CORO1C: variants seen among roughly 807,000 people sequenced by gnomAD.
CORO1C encodes the protein coronin-1C.
CORO1C carries 14 observed loss-of-function variants against 51.2 expected under a neutral mutation model. The observed-to-expected ratio is 0.27, with a 90% confidence interval of 0.18 to 0.43. The LOEUF is 0.43. CORO1C is among the 20% of genes least tolerant of loss of function. The probability of loss-of-function intolerance (pLI) is 1.00; values close to 1 mark genes in which losing one functional copy is unlikely to be tolerated. For missense variants in CORO1C, 417 were observed against 607.8 expected, an observed-to-expected ratio of 0.69 and a Z score of 3.30; for synonymous variants, 181 against 210.5, an observed-to-expected ratio of 0.86 and a Z score of 1.21.
At chr12:108,728,132 G>A (rs1284062584) in intron 1 of CORO1C, among the ~76,000 whole-genome samples, 1 of 152,156 alleles carries the variant, frequency 6.6e-6, no homozygotes, top group Non-Finnish European at 1.5e-5. Flanking sequence ...CTGCTTTGGA[G>A]AAGTCTGGCC....
At chr12:108,721,560 C>T (rs895612649) in intron 1 of CORO1C, among the ~76,000 whole-genome samples, 5 of 152,124 alleles carry the variant, frequency 3.3e-5, no homozygotes, top group South Asian at 4.1e-4. Flanking sequence ...TGCCATAAGA[C>T]TTTGTGAATA....
At chr12:108,721,811 A>G (rs1169454533) in intron 1 of CORO1C, among the ~76,000 whole-genome samples, 1 of 152,142 alleles carries the variant, frequency 6.6e-6, no homozygotes, top group Admixed American at 6.5e-5. Flanking sequence ...AGATGCCCCA[A>G]TTTACAATCA....
intron 3 of CORO1C, among the ~76,000 whole-genome samples, chr12:108,664,682 T>C (rs147851282): frequency 3.3e-5 from 5 of 152,214 alleles, no homozygotes; most frequent in African/African-American, 7.2e-5. Flanking sequence ...CTCTTTCCCC[T>C]GCGGAGAACA....
intron 2 of CORO1C, among the ~76,000 whole-genome samples, chr12:108,697,664 T>C (rs1338052618): frequency 6.6e-6 from 1 of 152,210 alleles, no homozygotes; most frequent in African/African-American, 2.4e-5. Flanking sequence ...CACCATGTAG[T>C]TGGAGTCCCC....
In CORO1C at chr12:108,658,966, T is replaced by G; in HGVS notation, c.449-47A>C. 6.4e-7 allele frequency: 1 copy of G among 1,565,310 alleles called. No individual in the cohort carries two copies. The highest frequency in any genetic ancestry group is 8.7e-7 in the Non-Finnish European group (1 of 1,143,478). On this transcript the variant is annotated intron_variant, in intron 4 of 10. Coordinates refer to ENST00000261401, the MANE Select transcript of CORO1C (RefSeq NM_014325.4). The surrounding 1 kb of genome is among the most constrained non-coding windows in gnomAD (Gnocchi z 4.9). The stretch of plus-strand genomic sequence containing the variant: ...GAGATTAGAAGATTAGAAACACCTA[T>G]GTAACACACTCAGAAAACTACAGAT...
chr12:108,657,067 T>TA (rs1175418675), intron 6 of CORO1C, among the ~76,000 whole-genome samples: 3 of 151,650 alleles, frequency 2.0e-5, no homozygotes, highest in African/African-American at 7.3e-5. Context: ...TAAAAAAAAT[T>TA]AAAAAAATAA....
chr12:108,662,002 G>T, intron 4 of CORO1C, 27 bp downstream of exon 4: 1 of 1,613,828 alleles, frequency 6.2e-7, no homozygotes, highest in South Asian at 1.1e-5. Context: ...GGAAGACAAG[G>T]GGAGGACCGC....
chr12:108,717,224 T>C (rs529919033), intron 1 of CORO1C, among the ~76,000 whole-genome samples: 48 of 152,216 alleles, frequency 3.2e-4, no homozygotes, highest in African/African-American at 9.4e-4. Context: ...AAAGTCTGTA[T>C]CAAAAGCAAG....
At chr12:108,705,929 G>A (rs1005616494) in intron 1 of CORO1C, among the ~76,000 whole-genome samples, 2 of 152,186 alleles carry the variant, frequency 1.3e-5, no homozygotes, top group Admixed American at 6.5e-5. Context: ...GCTCATGCCT[G>A]TAATCCCAAC....
At chr12:108,657,192 C>T (rs74939224) in intron 6 of CORO1C, 112 bp downstream of exon 6, 92,822 of 1,376,970 alleles carry the variant, frequency 0.067, 4,757 homozygotes, top group East Asian at 0.31. Context: ...GACAATCAGG[C>T]GTTTAGAAAA....
intron 5 of CORO1C, 84 bp from the exon 6 acceptor site, chr12:108,657,507 A>C: frequency 2.7e-4 from 381 of 1,405,706 alleles, no homozygotes; most frequent in Non-Finnish European, 3.3e-4. Context: ...ATCCAACCTC[A>C]CCAACTGCCA....
chr12:108,698,862 T>C (rs1461234396), intron 2 of CORO1C, among the ~76,000 whole-genome samples: 1 of 152,228 alleles, frequency 6.6e-6, no homozygotes, highest in African/African-American at 2.4e-5. Context: ...ATCTTCCCTC[T>C]ATGCCACATT....
chr12:108,685,582 G>C (rs774838589), intron 2 of CORO1C, among the ~76,000 whole-genome samples: 4 of 151,280 alleles, frequency 2.6e-5, no homozygotes, highest in Admixed American at 1.3e-4. Context: ...GATTTGGATA[G>C]GGAAAGAAAA....
chr12:108,682,964 A>G (rs2034173579), intron 2 of CORO1C, among the ~76,000 whole-genome samples: 1 of 152,246 alleles, frequency 6.6e-6, no homozygotes, highest in African/African-American at 2.4e-5. Context: ...AAAACTGAGC[A>G]ATACACAACA....
Position 108,658,681 on chromosome 12 carries a change from A to G in CORO1C, c.630+57T>C. 6.4e-7 allele frequency: 1 copy of G among 1,563,396 alleles called. No individual in the cohort carries two copies. Among genetic ancestry groups the G allele is most frequent in the Non-Finnish European group, 8.8e-7 (1 of 1,139,350 alleles). The stretch of plus-strand genomic sequence containing the variant: ...ACCGCTGCCTGCCTTAAAAAGCAGA[A>G]AGCTCACACTCACTCAAGTGCTCCA... On this transcript the variant is annotated intron_variant, in intron 5 of 10. Coordinates refer to ENST00000261401, the MANE Select transcript of CORO1C (RefSeq NM_014325.4). The surrounding 1 kb of genome is among the most constrained non-coding windows in gnomAD (Gnocchi z 4.9).
intron 2 of CORO1C, among the ~76,000 whole-genome samples, chr12:108,678,823 C>T (rs2034007310): frequency 6.6e-6 from 1 of 150,748 alleles, no homozygotes; most frequent in Non-Finnish European, 1.5e-5. Flanking sequence ...AAATGAATGG[C>T]ACTATTAAAA....
rs539982739 is a variant in CORO1C, at chr12:108,712,470, A to AG, written c.-5-11148dup. Among the ~76,000 whole-genome samples the AG allele has an allele frequency of 1.4e-3, 203 of 147,034 alleles. 1 individual carries two copies. The highest frequency in any genetic ancestry group is 2.3e-3 in the Non-Finnish European group (157 of 67,124). On this transcript the variant is annotated intron_variant, in intron 1 of 10. Coordinates refer to ENST00000261401, the MANE Select transcript of CORO1C (RefSeq NM_014325.4). ...GTGCCTGTAATCCCAGCTACTCAGGAGGCTGAGGCACGAGAATTGCTTGAA... is the reference window on the plus strand; with the variant it reads ...GTGCCTGTAATCCCAGCTACTCAGGAGGGCTGAGGCACGAGAATTGCTTGAA...
chr12:108,693,455 C>T (rs1313503704), intron 2 of CORO1C, among the ~76,000 whole-genome samples: 2 of 152,138 alleles, frequency 1.3e-5, no homozygotes, highest in Non-Finnish European at 2.9e-5. Flanking sequence ...CTAGTTAAAA[C>T]AATGATTCTA....
intron 2 of CORO1C, among the ~76,000 whole-genome samples, chr12:108,679,109 CA>C (rs1183326267): frequency 0.17 from 3,796 of 22,132 alleles, 31 homozygotes; most frequent in African/African-American, 0.28. Context: ...GACTCTGTCT[CA>C]AAAAAAAAAA....
Sources: allele counts gnomAD v4.1 joint callset (sites outside exome capture counted in the v4.1 genomes callset), GRCh38; gene constraint gnomAD v4.1.1; non-coding constraint Gnocchi (gnomAD v3.1); transcripts MANE v1.5; gene names NCBI Gene and HGNC (gene_info 2026-07-23, HGNC 2026-07-21).